Variants in DOCK8 observed in about 807,000 individuals in gnomAD.
DOCK8 encodes dedicator of cytokinesis protein 8.
In DOCK8, 141 loss-of-function variants were observed where a neutral mutation model predicts 245.6. The observed-to-expected ratio is 0.57, with a 90% CI of 0.50 to 0.66. DOCK8 has a LOEUF of 0.66. DOCK8 is among the 30% of genes least tolerant of loss of function. The pLI, the probability that DOCK8 is intolerant of heterozygous loss-of-function variation, is 0.00. For missense variants in DOCK8, 2,965 were observed against 2,603.4 expected (o/e 1.14, Z -3.02); for synonymous variants, 1,168 against 970.2 (o/e 1.20, Z -3.79).
At position 376,238 on chromosome 9, in the gene DOCK8, A is replaced by G. The variant is rs2053510818; in HGVS notation, c.2138A>G (p.Lys713Arg). The G allele has an allele frequency of 6.2e-7, 1 of 1,613,166 alleles. No homozygotes were observed. The highest frequency in any genetic ancestry group is 8.5e-7 in the Non-Finnish European group (1 of 1,179,220). ...GTCCCATTACAGAATCCTCCCATTA[A>G]GTGGGCTGAAGGACATAAGGGAGTA... ...EKVPLQNPPI[K>R]WAEGHKGVFN... Residue 713 changes from lysine (K) to arginine (R), a missense_variant, in exon 19 of 48, where the codon AAG becomes AGG. Physicochemically the swap from Lys to Arg is conservative, Grantham distance 26 (BLOSUM62 2). Coordinates refer to ENST00000432829, the MANE Select transcript of DOCK8 (RefSeq NM_203447.4).
intron 42 of DOCK8, among the ~76,000 whole-genome samples, chr9:442,795 C>T (rs1174638896): frequency 6.6e-6 from 1 of 152,166 alleles, no homozygotes; most frequent in Admixed American, 6.5e-5. Context: ...AGATTCACTC[C>T]TTAGGCTTTC....
chr9:337,776 AT>A (rs929401332), intron 12 of DOCK8, among the ~76,000 whole-genome samples: 1 of 152,070 alleles, frequency 6.6e-6, no homozygotes, highest in African/African-American at 2.4e-5. Context: ...AGAGTTTCAG[AT>A]TTTTTTTGCA....
chr9:215,228 C>T (rs112809777), intron 1 of DOCK8, 199 bp downstream of exon 1: 33 of 1,559,094 alleles, frequency 2.1e-5, no homozygotes, highest in Admixed American at 5.6e-5. Flanking sequence ...CTGGGCCCGG[C>T]GAGGTCCTCC....
At chr9:373,697 A>G (rs1436257069) in intron 18 of DOCK8, among the ~76,000 whole-genome samples, 1 of 151,826 alleles carries the variant, frequency 6.6e-6, no homozygotes, top group African/African-American at 2.4e-5. Flanking sequence ...TTTTCCTCTT[A>G]TTTTCTTTTT....
Position 304,684 on chromosome 9 carries a change from T to A in DOCK8, c.508T>A (p.Cys170Ser), listed in dbSNP as rs1563899590. Residue 170 changes from cysteine (C) to serine (S), a missense_variant, in exon 5 of 48, where the codon TGC becomes AGC. Transcript: ENST00000432829. The part of the protein sequence containing the change: ...KQTFESETLE[C>S]SEPAAQAGPR... ...GACGTTTGAGTCGGAAACCTTGGAG[T>A]GCAGTGAACCCGCTGCTCAGGTATT... The A allele has an allele frequency of 3.1e-6, 5 of 1,613,994 alleles. No homozygotes were observed. Among genetic ancestry groups the A allele is most frequent in the Non-Finnish European group, 4.2e-6 (5 of 1,180,008 alleles).
intron 39 of DOCK8, among the ~76,000 whole-genome samples, chr9:437,373 T>A (rs1282279894): frequency 1.3e-5 from 2 of 152,212 alleles, no homozygotes; most frequent in African/African-American, 4.8e-5. Flanking sequence ...GAGAGATGCC[T>A]CCTTTCTAGC....
intron 46 of DOCK8, chr9:454,297 G>C (rs1222391818): frequency 6.6e-6 from 1 of 152,182 alleles, no homozygotes; most frequent in Non-Finnish European, 1.5e-5. Context: ...GAGAGAGAGA[G>C]AGAGACCACA....
intron 14 of DOCK8, among the ~76,000 whole-genome samples, chr9:341,577 A>G (rs2051592407): frequency 6.6e-6 from 1 of 152,186 alleles, no homozygotes; most frequent in Admixed American, 6.5e-5. Flanking sequence ...CTAGACTTTT[A>G]TCATCATGAA....
chr9:331,805 T>C (rs530730081), intron 9 of DOCK8, among the ~76,000 whole-genome samples: 27 of 152,326 alleles, frequency 1.8e-4, no homozygotes, highest in African/African-American at 6.5e-4. Flanking sequence ...CACATCCCAA[T>C]GCTTTTGAGT....
Position 464,162 on chromosome 9 carries a change from C to G in DOCK8, c.6243C>G (p.Asp2081Glu), listed in dbSNP as rs775332824. 6.2e-7 allele frequency: 1 copy of G among 1,613,086 alleles called. No individual in the cohort carries two copies. Among genetic ancestry groups the G allele is most frequent in the East Asian group, 2.2e-5 (1 of 44,882 alleles). ...PIFRVESQKR[D>E]SFHRSSFRKC... ...CCCTCTCTTTTCTTAATTTCAGGGA[C>G]TCCTTCCACAGATCTAGTTTCAGGA... Residue 2081 changes from aspartate (D) to glutamate (E), a missense_variant, in exon 48 of 48, where the codon GAC becomes GAG. Asp to Glu is a conservative substitution (Grantham distance 45). Coordinates refer to ENST00000432829, the MANE Select transcript of DOCK8 (RefSeq NM_203447.4).
chr9:373,098 T>C (rs1335454128), intron 18 of DOCK8, among the ~76,000 whole-genome samples: 1 of 152,026 alleles, frequency 6.6e-6, no homozygotes, highest in Middle Eastern at 3.2e-3. Flanking sequence ...ACCTGGGAAG[T>C]GGAGGTTGCA....
At chr9:260,729 G>A (rs1229016909) in intron 1 of DOCK8, among the ~76,000 whole-genome samples, 1 of 152,170 alleles carries the variant, frequency 6.6e-6, no homozygotes, top group East Asian at 1.9e-4. Flanking sequence ...GAATACATAT[G>A]CAGCTGTAAA....
At chr9:223,754 A>C (rs1251135740) in intron 1 of DOCK8, among the ~76,000 whole-genome samples, 1 of 150,826 alleles carries the variant, frequency 6.6e-6, no homozygotes, top group East Asian at 1.9e-4. Flanking sequence ...ACATTTTGTC[A>C]CTTTTGCTTT....
chr9:287,259 G>C (rs1484744494), intron 3 of DOCK8, among the ~76,000 whole-genome samples: 1 of 152,158 alleles, frequency 6.6e-6, no homozygotes, highest in Non-Finnish European at 1.5e-5. Flanking sequence ...AGTTTCTATA[G>C]TTGGCTCTTC....
In DOCK8 at chr9:391,734, G is replaced by T. The variant is rs79668989; in HGVS notation, c.2970+1168G>T. Among the ~76,000 whole-genome samples, 258 of 150,996 alleles carry T rather than the reference G, an allele frequency of 1.7e-3. 4 individuals are homozygous for T. Among genetic ancestry groups the T allele is most frequent in the African/African-American group, 6.1e-3 (252 of 41,146 alleles). On this transcript the variant is annotated intron_variant, in intron 24 of 47. Transcript: ENST00000432829. ...CTATATAAAAATATATATGCAAACAGTTCAGAGGATTTGGAGTAGGTTGAG... is the reference window on the plus strand; with the variant it reads ...CTATATAAAAATATATATGCAAACATTTCAGAGGATTTGGAGTAGGTTGAG...
At chr9:271,166 A>T (rs1034225213) in intron 1 of DOCK8, among the ~76,000 whole-genome samples, 1 of 152,236 alleles carries the variant, frequency 6.6e-6, no homozygotes, top group Admixed American at 6.5e-5. Context: ...TTCATACAAC[A>T]GTTCTCTGGT....
intron 26 of DOCK8, among the ~76,000 whole-genome samples, chr9:400,241 C>CCTCCTTCACCATCACCAG (rs1564012880): frequency 2.5e-5 from 2 of 79,916 alleles, no homozygotes; most frequent in Admixed American, 2.7e-4. Flanking sequence ...ACCATCACCA[C>CCTCCTTCACCATCACCAG]CACCTCCACC....
At chr9:275,049 G>A (rs523830) in intron 2 of DOCK8, among the ~76,000 whole-genome samples, 138,384 of 152,254 alleles carry the variant, frequency 0.91, 63,023 homozygotes, top group East Asian at 1. Flanking sequence ...TCTGGGATGA[G>A]GTACAGTTGT....
At chr9:367,212 T>C (rs1239762680) in intron 14 of DOCK8, among the ~76,000 whole-genome samples, 1 of 152,226 alleles carries the variant, frequency 6.6e-6, no homozygotes, top group Non-Finnish European at 1.5e-5. Context: ...TCATTATTAT[T>C]GTTTCTTCAA....
Sources: gnomAD v4.1 joint callset for allele counts (sites outside exome capture counted in the v4.1 genomes callset) on GRCh38, gnomAD v4.1.1 for gene constraint, MANE v1.5 for transcripts, NCBI Gene and HGNC (gene_info 2026-07-23, HGNC 2026-07-21) for gene names.